FER: variants seen among roughly 807,000 people sequenced by gnomAD.
FER encodes tyrosine-protein kinase Fer.
A neutral mutation model predicts 111.0 loss-of-function variants in FER; 63 were observed. That is an observed-to-expected ratio of 0.57 (90% CI 0.46 to 0.70). The LOEUF (loss-of-function observed/expected upper bound fraction) is 0.70, where lower values mean the gene tolerates loss of function less well. Among genes scored for constraint, FER ranks in the 30% least tolerant of loss-of-function variants. The pLI is 0.00. For synonymous variants in FER, 327 were observed against 313.9 expected (o/e 1.04, Z -0.44); for missense variants, 914 against 954.0 (o/e 0.96, Z 0.55).
At chr5:108,999,075 GT>G (rs1194328300) in intron 13 of FER, among the ~76,000 whole-genome samples, 2 of 151,926 alleles carry the variant, frequency 1.3e-5, no homozygotes, top group Non-Finnish European at 2.9e-5. Context: ...TCTTGCTTTA[GT>G]TTTTTTAAAA....
At chr5:108,783,790 A>G (rs550740355) in intron 2 of FER, among the ~76,000 whole-genome samples, 20 of 152,098 alleles carry the variant, frequency 1.3e-4, no homozygotes, top group Admixed American at 6.6e-4. Flanking sequence ...GAGTTAGTGT[A>G]TATCTATTGC....
At chr5:109,099,977 T>G (rs545739130) in intron 16 of FER, among the ~76,000 whole-genome samples, 45 of 151,884 alleles carry the variant, frequency 3.0e-4, no homozygotes, top group African/African-American at 1.0e-3. Flanking sequence ...ATAATTTACT[T>G]TTTTGTAATT....
At chr5:109,146,290 A>ATATATATATATATATC (rs1458419510) in intron 17 of FER, among the ~76,000 whole-genome samples, 1 of 114,046 alleles carries the variant, frequency 8.8e-6, no homozygotes, top group African/African-American at 3.8e-5. Flanking sequence ...ATATATATAT[A>ATATATATATATATATC]TCTTGGGTAG....
At chr5:109,036,217 C>T (rs578072133) in intron 13 of FER, among the ~76,000 whole-genome samples, 41 of 152,148 alleles carry the variant, frequency 2.7e-4, no homozygotes, top group African/African-American at 8.2e-4. Flanking sequence ...AAGAAACCTT[C>T]ACTTACCCAC....
chr5:109,147,678 G>T (rs190295678), intron 17 of FER, among the ~76,000 whole-genome samples: 2 of 151,686 alleles, frequency 1.3e-5, no homozygotes, highest in Admixed American at 1.3e-4. Flanking sequence ...AAAAAGGCAG[G>T]CCAGATGTTA....
At chr5:108,955,845 A>G (rs1758353999) in intron 12 of FER, among the ~76,000 whole-genome samples, 1 of 151,844 alleles carries the variant, frequency 6.6e-6, no homozygotes, top group Non-Finnish European at 1.5e-5. Flanking sequence ...GCACATGTGC[A>G]CATACATCTC....
At chr5:109,111,233 A>G (rs1749583799) in intron 17 of FER, among the ~76,000 whole-genome samples, 2 of 152,168 alleles carry the variant, frequency 1.3e-5, no homozygotes, top group African/African-American at 4.8e-5. Flanking sequence ...GTAAATGAAC[A>G]CAGGTAATTA....
chr5:108,867,134 ACAAGGCTCTATTT>A (rs1326220856), intron 5 of FER, among the ~76,000 whole-genome samples: 1 of 152,140 alleles, frequency 6.6e-6, no homozygotes. Flanking sequence ...ATTGCAGTTC[ACAAGGCTCTATTT>A]CAAGGACTGT....
At chr5:109,120,236 A>T (rs115612946) in intron 17 of FER, among the ~76,000 whole-genome samples, 2,594 of 152,194 alleles carry the variant, frequency 0.017, 60 homozygotes, top group African/African-American at 0.059. Flanking sequence ...CACAGACTAA[A>T]GTCTTAGAAT....
chr5:108,797,031 T>C (rs977157338), intron 2 of FER, among the ~76,000 whole-genome samples: 3 of 152,070 alleles, frequency 2.0e-5, no homozygotes, highest in African/African-American at 7.2e-5. Context: ...CACAGCGTAC[T>C]ACCCGGGTAT....
intron 2 of FER, among the ~76,000 whole-genome samples, chr5:108,777,900 T>C (rs899101366): frequency 6.6e-6 from 1 of 152,132 alleles, no homozygotes; most frequent in Non-Finnish European, 1.5e-5. Flanking sequence ...CCCACCCCCA[T>C]GATTCAGTCA....
At chr5:108,907,561 G>A (rs1336695177) in intron 10 of FER, among the ~76,000 whole-genome samples, 2 of 151,860 alleles carry the variant, frequency 1.3e-5, no homozygotes, top group Non-Finnish European at 2.9e-5. Context: ...CCAAAGTGCT[G>A]GGATTATAGG....
At chr5:109,004,046 A>G (rs1221373794) in intron 13 of FER, among the ~76,000 whole-genome samples, 10 of 152,328 alleles carry the variant, frequency 6.6e-5, no homozygotes, top group South Asian at 4.1e-4. Context: ...CAAATATTAG[A>G]AAACAATAAA....
At chr5:108,855,852 A>G (rs1762957178) in intron 5 of FER, among the ~76,000 whole-genome samples, 1 of 152,076 alleles carries the variant, frequency 6.6e-6, no homozygotes, top group Non-Finnish European at 1.5e-5. Context: ...AAAGAAGGAG[A>G]AAAAAGAAAC....
intron 10 of FER, among the ~76,000 whole-genome samples, chr5:108,932,856 CTT>C (rs202222050): frequency 0.057 from 7,871 of 138,174 alleles, 279 homozygotes; most frequent in South Asian, 0.12. Context: ...CCTTTGCCCA[CTT>C]TTTTTTTTTT....
intron 17 of FER, among the ~76,000 whole-genome samples, chr5:109,102,565 T>A (rs1748372289): frequency 6.6e-6 from 1 of 152,190 alleles, no homozygotes; most frequent in African/African-American, 2.4e-5. Flanking sequence ...TTTTTGTTTT[T>A]ATTCTCATAA....
chr5:108,787,286 C>T (rs1754844983), intron 2 of FER, among the ~76,000 whole-genome samples: 1 of 152,198 alleles, frequency 6.6e-6, no homozygotes, highest in Non-Finnish European at 1.5e-5. Context: ...CCACCATCGT[C>T]CCCTCTGGAC....
intron 10 of FER, among the ~76,000 whole-genome samples, chr5:108,914,607 A>C (rs1324644873): frequency 6.6e-6 from 1 of 152,200 alleles, no homozygotes; most frequent in African/African-American, 2.4e-5. Flanking sequence ...AGACATTAAT[A>C]TGTACCTCAA....
chr5:108,758,258 CT>C (rs1171024394), intron 1 of FER, among the ~76,000 whole-genome samples: 2 of 152,156 alleles, frequency 1.3e-5, no homozygotes, highest in Non-Finnish European at 1.5e-5. Flanking sequence ...AGGTTTCGGA[CT>C]GTTTTCCTGA....
Sources: allele counts gnomAD v4.1 joint callset (sites outside exome capture counted in the v4.1 genomes callset), GRCh38; gene constraint gnomAD v4.1.1; transcripts MANE v1.5; gene names NCBI Gene and HGNC (gene_info 2026-07-23, HGNC 2026-07-21).